LARGE1: variants seen among roughly 807,000 people sequenced by gnomAD.
LARGE1 encodes the protein xylosyl- and glucuronyltransferase LARGE1.
LARGE1 carries 43 observed loss-of-function variants against 87.6 expected under a neutral mutation model. The observed-to-expected ratio is 0.49, with a 90% CI of 0.38 to 0.63. The LOEUF is 0.63. Ranked by LOEUF, LARGE1 falls within the 30% of genes least tolerant of loss-of-function variation. The pLI is 0.00. For synonymous variants in LARGE1, 434 were observed against 394.6 expected (o/e 1.10, Z -1.18); for missense variants, 802 against 1,000.2 (o/e 0.80, Z 2.67).
chr22:33,912,774 A>G (rs1378975906), intron 1 of LARGE1, among the ~76,000 whole-genome samples: 10 of 114,336 alleles, frequency 8.7e-5, no homozygotes, highest in Admixed American at 2.6e-4. Context: ...AAGAACAACA[A>G]TGAAAAAAAA....
At chr22:33,639,339 C>G (rs1476138745) in intron 3 of LARGE1, among the ~76,000 whole-genome samples, 1 of 152,216 alleles carries the variant, frequency 6.6e-6, no homozygotes, top group Non-Finnish European at 1.5e-5. Flanking sequence ...ATACCAGAAC[C>G]ACTCAGCTAA....
chr22:33,856,271 A>C (rs67714362), intron 1 of LARGE1, among the ~76,000 whole-genome samples: 28,003 of 152,122 alleles, frequency 0.18, 2,760 homozygotes, highest in Admixed American at 0.3. Flanking sequence ...CCACCCAGAC[A>C]AACACATGCC....
intron 6 of LARGE1, among the ~76,000 whole-genome samples, chr22:33,520,723 G>A (rs2071539614): frequency 6.6e-6 from 1 of 152,222 alleles, no homozygotes; most frequent in African/African-American, 2.4e-5. Context: ...TGATCTGACA[G>A]AAATTCATGG....
At chr22:33,585,917 T>A (rs2078658980) in intron 5 of LARGE1, among the ~76,000 whole-genome samples, 2 of 152,230 alleles carry the variant, frequency 1.3e-5, no homozygotes, top group Non-Finnish European at 2.9e-5. Flanking sequence ...CAGGCTGGTC[T>A]CAAACTCCCG....
chr22:33,620,284 T>C (rs990423340), intron 4 of LARGE1, among the ~76,000 whole-genome samples: 1 of 152,320 alleles, frequency 6.6e-6, no homozygotes, highest in Middle Eastern at 3.4e-3. Flanking sequence ...CAAACAAATA[T>C]TAAATTTTTA....
chr22:33,766,812 T>G lies in LARGE1; in HGVS notation c.-82-5254A>C, dbSNP rs1266243263. On this transcript the variant is annotated intron_variant, in intron 1 of 14. Coordinates refer to ENST00000397394, the MANE Select transcript of LARGE1 (RefSeq NM_133642.5). ...ATCCTTCAGTCCAAAGCAATAAATTTTATATACGTGTACAAATAACCTATA... is the reference window on the plus strand; with the variant it reads ...ATCCTTCAGTCCAAAGCAATAAATTGTATATACGTGTACAAATAACCTATA... 5.3e-5 allele frequency among the ~76,000 whole-genome samples: 8 copies of G among 151,706 alleles called. No individual in the cohort carries two copies. The East Asian group carries it at 1.6e-3, about 30-fold the overall frequency.
intron 4 of LARGE1, among the ~76,000 whole-genome samples, chr22:33,617,204 G>C (rs2079606018): frequency 6.6e-6 from 1 of 152,196 alleles, no homozygotes. Flanking sequence ...GGCCACAGTT[G>C]AAAGAACATC....
chr22:33,573,001 A>G (rs1318497937), intron 5 of LARGE1, among the ~76,000 whole-genome samples: 2 of 152,196 alleles, frequency 1.3e-5, no homozygotes, highest in African/African-American at 4.8e-5. Flanking sequence ...TTAAACCTCT[A>G]TGTACCTCAG....
intron 6 of LARGE1, among the ~76,000 whole-genome samples, chr22:33,447,726 C>T (rs760515462): frequency 2.6e-5 from 4 of 152,096 alleles, no homozygotes; most frequent in South Asian, 2.1e-4. Flanking sequence ...GTAAGTCCCT[C>T]GGGAGCAGGT....
At chr22:33,390,991 C>T (rs901772143) in intron 7 of LARGE1, among the ~76,000 whole-genome samples, 2 of 152,118 alleles carry the variant, frequency 1.3e-5, no homozygotes, top group African/African-American at 4.8e-5. Flanking sequence ...ACCACCACAC[C>T]CAGCTAATTT....
intron 10 of LARGE1, 56 bp from the exon 11 acceptor site, chr22:33,316,304 T>G (rs770566818): frequency 3.2e-6 from 5 of 1,580,498 alleles, no homozygotes; most frequent in African/African-American, 1.3e-5. Flanking sequence ...AGGGGGCCCA[T>G]GAGCTTGCCC....
At chr22:33,834,399 C>G (rs978980361) in intron 1 of LARGE1, among the ~76,000 whole-genome samples, 3 of 152,204 alleles carry the variant, frequency 2.0e-5, no homozygotes, top group African/African-American at 7.2e-5. Flanking sequence ...TGGCAGGTTC[C>G]TGCCTTAACT....
chr22:33,841,115 G>A (rs549275443), intron 1 of LARGE1, among the ~76,000 whole-genome samples: 2 of 152,322 alleles, frequency 1.3e-5, no homozygotes, highest in African/African-American at 2.4e-5. Flanking sequence ...AAACTATGCT[G>A]TAATGTAGGT....
rs183575553 is a variant in LARGE1, at chr22:33,302,536, C to T, written c.1730+1693G>A. On this transcript the variant is annotated intron_variant, in intron 12 of 14. Coordinates refer to ENST00000397394, the MANE Select transcript of LARGE1 (RefSeq NM_133642.5). The stretch of plus-strand genomic sequence containing the variant: ...ACCTTGCTCCAGACAGCGCAGGGCA[C>T]GGAGGGTATGCAGGCTAAACCTACG... Among the ~76,000 whole-genome samples the T allele has an allele frequency of 4.9e-3, 746 of 152,166 alleles. 6 individuals carry two copies. The highest frequency in any genetic ancestry group is 0.017 in the African/African-American group (715 of 41,508).
intron 2 of LARGE1, among the ~76,000 whole-genome samples, chr22:33,740,735 G>T (rs139496972): frequency 1.1e-3 from 167 of 152,244 alleles, no homozygotes; most frequent in Admixed American, 3.3e-3. Context: ...AACCACTATG[G>T]AGACCTTGAA....
At chr22:33,137,789 G>T in the LARGE1 span, among the ~76,000 whole-genome samples, 2 of 152,218 alleles carry the variant, frequency 1.3e-5, no homozygotes, top group African/African-American at 4.8e-5. Flanking sequence ...GTGGTGTTGA[G>T]CCTGTGGGTG....
intron 10 of LARGE1, among the ~76,000 whole-genome samples, chr22:33,328,862 T>C (rs1341909746): frequency 9.2e-5 from 14 of 152,130 alleles, no homozygotes; most frequent in Middle Eastern, 3.2e-3. Context: ...TTAGGAGTTG[T>C]GTGGTCTTGA....
intron 3 of LARGE1, among the ~76,000 whole-genome samples, chr22:33,638,031 A>G (rs1445669869): frequency 6.6e-6 from 1 of 152,172 alleles, no homozygotes; most frequent in Admixed American, 6.5e-5. Context: ...AAATTTAAAG[A>G]GGACATTTTT....
intron 3 of LARGE1, among the ~76,000 whole-genome samples, chr22:33,642,015 T>C (rs2080450047): frequency 6.6e-6 from 1 of 152,012 alleles, no homozygotes; most frequent in Non-Finnish European, 1.5e-5. Flanking sequence ...ACATTCAAAT[T>C]CAGGAAATAC....
Sources: gnomAD v4.1 joint callset for allele counts (sites outside exome capture counted in the v4.1 genomes callset) on GRCh38, gnomAD v4.1.1 for gene constraint, MANE v1.5 for transcripts, NCBI Gene and HGNC (gene_info 2026-07-23, HGNC 2026-07-21) for gene names.